The following IL1RAPL2 variants were observed in gnomAD, a reference collection of about 807,000 sequenced individuals.
IL1RAPL2 encodes the protein X-linked interleukin-1 receptor accessory protein-like 2.
A neutral mutation model predicts 44.1 loss-of-function variants in IL1RAPL2; 3 were observed. That is an observed-to-expected ratio of 0.07 (90% CI 0.03 to 0.18). IL1RAPL2 has a LOEUF of 0.18. IL1RAPL2 is among the 10% of genes least tolerant of loss of function. IL1RAPL2 has a pLI of 1.00. For missense variants in IL1RAPL2, 391 were observed against 496.4 expected (o/e 0.79, Z 2.02); for synonymous variants, 181 against 178.8 (o/e 1.01, Z -0.10).
At chrX:105,283,960 T>A (rs2034551954) in intron 5 of IL1RAPL2, among the ~76,000 whole-genome samples, 1 of 111,656 alleles carries the variant, frequency 9.0e-6, no homozygotes, top group African/African-American at 3.3e-5. Context: ...CTCATCAAAT[T>A]GTTAAATATT....
chrX:104,572,383 A>G (rs1928164135), intron 1 of IL1RAPL2, among the ~76,000 whole-genome samples: 1 of 111,851 alleles, frequency 8.9e-6, no homozygotes. Flanking sequence ...ATCTAGCCAG[A>G]CTGGATCACT....
chrX:105,763,073 C>T (rs1465696607), intron 10 of IL1RAPL2, among the ~76,000 whole-genome samples: 1 of 111,487 alleles, frequency 9.0e-6, no homozygotes, highest in African/African-American at 3.3e-5. Flanking sequence ...TTATTTGGAA[C>T]TTTTCCAAAC....
chrX:105,285,760 C>T (rs1199833777), intron 5 of IL1RAPL2, among the ~76,000 whole-genome samples: 1 of 112,017 alleles, frequency 8.9e-6, no homozygotes, highest in Non-Finnish European at 1.9e-5. Context: ...ATCAATGTTC[C>T]ATTTTAATTG....
chrX:105,073,892 G>GT (rs951135329), intron 2 of IL1RAPL2, among the ~76,000 whole-genome samples: 22 of 111,258 alleles, frequency 2.0e-4, no homozygotes, highest in East Asian at 8.5e-4. Flanking sequence ...GGGGTTGTTT[G>GT]TTTTTTTCTT....
intron 2 of IL1RAPL2, among the ~76,000 whole-genome samples, chrX:105,129,380 T>C (rs2033006056): frequency 9.0e-6 from 1 of 110,901 alleles, no homozygotes; most frequent in African/African-American, 3.3e-5. Flanking sequence ...CATAGCCTAA[T>C]CACCTTCCAA....
At position 104,813,968 on chromosome X, in the gene IL1RAPL2, G is replaced by A. The variant is rs568623644; in HGVS notation, c.82+154973G>A. 1.2e-3 allele frequency among the ~76,000 whole-genome samples: 138 copies of A among 111,378 alleles called. No individual in the cohort carries two copies. In the South Asian group the frequency reaches 0.051, roughly 41 times the overall value. ...GTGGATGTCACTTCCTTCCTCCTTG[G>A]TCTTTCTAGTTTTTCTTTATTTAGA... On this transcript the variant is annotated intron_variant, in intron 2 of 10. Coordinates refer to ENST00000372582, the MANE Select transcript of IL1RAPL2 (RefSeq NM_017416.2).
At chrX:105,467,877 G>T (rs780771264) in intron 5 of IL1RAPL2, among the ~76,000 whole-genome samples, 3 of 111,578 alleles carry the variant, frequency 2.7e-5, no homozygotes, top group African/African-American at 9.8e-5. Flanking sequence ...ATCAGAACTA[G>T]CTGTGGGAGG....
At chrX:105,195,781 A>C (rs2033668124) in intron 3 of IL1RAPL2, 33 bp downstream of exon 3, 1 of 1,187,438 alleles carries the variant, frequency 8.4e-7, no homozygotes, top group African/African-American at 1.8e-5. Context: ...GCCCAATCAC[A>C]TGGCTGATAG....
At chrX:105,489,520 C>G (rs964956784) in intron 6 of IL1RAPL2, among the ~76,000 whole-genome samples, 22 of 111,002 alleles carry the variant, frequency 2.0e-4, no homozygotes, top group Admixed American at 5.7e-4. Context: ...CTGTAACACA[C>G]TCCTGGAAGC....
At chrX:104,711,651 A>C (rs1227030366) in intron 2 of IL1RAPL2, among the ~76,000 whole-genome samples, 2 of 107,712 alleles carry the variant, frequency 1.9e-5, no homozygotes, top group Non-Finnish European at 3.8e-5. Flanking sequence ...GAGGAAAATG[A>C]ATAGGTAGAA....
intron 2 of IL1RAPL2, among the ~76,000 whole-genome samples, chrX:105,071,358 A>G (rs2032204466): frequency 8.9e-6 from 1 of 111,951 alleles, no homozygotes; most frequent in African/African-American, 3.2e-5. Context: ...ATCAAAATTG[A>G]AATAAAAAAA....
chrX:104,780,815 C>T (rs1932767236), intron 2 of IL1RAPL2, among the ~76,000 whole-genome samples: 1 of 111,233 alleles, frequency 9.0e-6, no homozygotes, highest in African/African-American at 3.3e-5. Flanking sequence ...AACTATTTAC[C>T]TGTGCTAATA....
intron 2 of IL1RAPL2, among the ~76,000 whole-genome samples, chrX:104,762,191 G>A (rs866323314): frequency 9.1e-6 from 1 of 109,626 alleles, no homozygotes; most frequent in Non-Finnish European, 1.9e-5. Context: ...TGGTGACAGG[G>A]TTTTGCTGTG....
chrX:104,780,966 A>G (rs1367879575), intron 2 of IL1RAPL2, among the ~76,000 whole-genome samples: 1 of 111,773 alleles, frequency 8.9e-6, no homozygotes, highest in African/African-American at 3.2e-5. Flanking sequence ...GAACTTCTAT[A>G]TCATTTGCAA....
intron 3 of IL1RAPL2, among the ~76,000 whole-genome samples, chrX:105,218,695 G>GTC (rs1226484483): frequency 6.4e-5 from 7 of 109,387 alleles, no homozygotes; most frequent in African/African-American, 2.3e-4. Flanking sequence ...GTCTCCATGT[G>GTC]TCTCTCTCTC....
chrX:104,764,709 AT>A (rs1345689908), intron 2 of IL1RAPL2, among the ~76,000 whole-genome samples: 1 of 111,791 alleles, frequency 8.9e-6, no homozygotes, highest in Non-Finnish European at 1.9e-5. Context: ...TATAACTTTT[AT>A]TATGTTGAGG....
Position 104,660,327 on chromosome X carries a change from T to G in IL1RAPL2, c.82+1332T>G, listed in dbSNP as rs1406976807. ...AGATTGCTTAACAGCAAACATAACCTGTTGAACCAGATTGCATTTTCCTTA... is the reference window on the plus strand; with the variant it reads ...AGATTGCTTAACAGCAAACATAACCGGTTGAACCAGATTGCATTTTCCTTA... On this transcript the variant is annotated intron_variant, in intron 2 of 10. Coordinates refer to ENST00000372582, the MANE Select transcript of IL1RAPL2 (RefSeq NM_017416.2). Among the ~76,000 whole-genome samples, 3 of 109,974 alleles carry G rather than the reference T, an allele frequency of 2.7e-5. No individual in the cohort carries two copies. The East Asian group carries it at 8.7e-4, about 32-fold the overall frequency.
At chrX:104,752,067 T>C (rs1160667750) in intron 2 of IL1RAPL2, among the ~76,000 whole-genome samples, 1 of 111,112 alleles carries the variant, frequency 9.0e-6, no homozygotes, top group Non-Finnish European at 1.9e-5. Context: ...TCCTGAATAA[T>C]GTAAGTTAGC....
intron 6 of IL1RAPL2, among the ~76,000 whole-genome samples, chrX:105,593,931 T>C (rs1464591201): frequency 1.8e-5 from 2 of 112,091 alleles, no homozygotes; most frequent in Admixed American, 1.9e-4. Flanking sequence ...ATTTTATTTG[T>C]ATTACTAACA....
Sources: gnomAD v4.1 joint callset for allele counts (sites outside exome capture counted in the v4.1 genomes callset) on GRCh38, gnomAD v4.1.1 for gene constraint, MANE v1.5 for transcripts, NCBI Gene and HGNC (gene_info 2026-07-23, HGNC 2026-07-21) for gene names.